Variants in TJP1 observed in about 807,000 individuals in gnomAD.
The protein encoded by TJP1 is tight junction protein ZO-1.
In TJP1, 43 loss-of-function variants were observed where a neutral mutation model predicts 194.2. The ratio of observed to expected loss-of-function variants is 0.22; its 90% CI spans 0.17 to 0.29. The LOEUF is 0.29. TJP1 is among the 10% of genes least tolerant of loss of function. The pLI, the probability that TJP1 is intolerant of heterozygous loss-of-function variation, is 1.00. For missense variants in TJP1, 1,971 were observed against 2,185.7 expected (o/e 0.90, Z 1.96); for synonymous variants, 801 against 779.0 (o/e 1.03, Z -0.47).
At chr15:29,850,736 C>T (rs1438524505) in intron 2 of TJP1, among the ~76,000 whole-genome samples, 1 of 152,028 alleles carries the variant, frequency 6.6e-6, no homozygotes, top group African/African-American at 2.4e-5. Flanking sequence ...AATCCCAGCA[C>T]TTTGGGAGGC....
chr15:29,700,469 G>A lies in TJP1; in HGVS notation c.*1126C>T, dbSNP rs978944379. The A allele has an allele frequency of 1.0e-5, 4 of 398,742 alleles. No individual in the cohort carries two copies. Among genetic ancestry groups the A allele is most frequent in the Admixed American group, 8.8e-5 (2 of 22,702 alleles). 24.7% of individuals were successfully genotyped at this position (398,742 alleles called of 1,614,324 possible). A position where few individuals can be genotyped will look rare whatever the true frequency, so the allele number is the denominator to read the frequency against. On this transcript the variant is annotated 3_prime_UTR_variant, in exon 28 of 28. Coordinates refer to ENST00000614355, the MANE Select transcript of TJP1 (RefSeq NM_001330239.4). Reference sequence around the variant, plus strand: ...CCTTTTTCTTAAAAAAAATGACCTTGCATGTGTCATAGAAACGCTGCTTTA... The same window carrying A: ...CCTTTTTCTTAAAAAAAATGACCTTACATGTGTCATAGAAACGCTGCTTTA...
chr15:29,856,064 C>T (rs1009120401), intron 2 of TJP1, among the ~76,000 whole-genome samples: 1 of 152,198 alleles, frequency 6.6e-6, no homozygotes, highest in African/African-American at 2.4e-5. Context: ...AACAGCACAA[C>T]TGTGCTTCAG....
intron 2 of TJP1, among the ~76,000 whole-genome samples, chr15:29,903,594 G>C (rs569142940): frequency 6.6e-6 from 1 of 151,956 alleles, no homozygotes; most frequent in African/African-American, 2.4e-5. Context: ...ACAGGCACCC[G>C]CCACCACGCC....
chr15:29,909,392 T>C (rs536582194), intron 2 of TJP1, among the ~76,000 whole-genome samples: 1 of 149,694 alleles, frequency 6.7e-6, no homozygotes, highest in East Asian at 2.0e-4. Context: ...ATTTTTAAAC[T>C]TCCAGCTATT....
chr15:29,737,188 G>C (rs924855728), intron 11 of TJP1, 76 bp downstream of exon 11: 7 of 1,532,120 alleles, frequency 4.6e-6, no homozygotes. Context: ...AATTACAATA[G>C]TAAGCTTGTT....
chr15:29,933,753 T>C lies in TJP1; in HGVS notation c.306+22479A>G, dbSNP rs573644235. On this transcript the variant is annotated intron_variant, in intron 2 of 28. Coordinates refer to the TJP1 transcript ENST00000356107. ...CGAGAAGCCCAGTATACTGAAAGAC[T>C]AAAGATGCTGGGAAGAGAGAAGTAA... 3.3e-5 allele frequency among the ~76,000 whole-genome samples: 5 copies of C among 152,198 alleles called. No individual in the cohort carries two copies. The East Asian group carries it at 7.7e-4, about 24-fold the overall frequency.
intron 2 of TJP1, among the ~76,000 whole-genome samples, chr15:29,944,205 G>A (rs1418519562): frequency 6.6e-6 from 1 of 151,670 alleles, no homozygotes; most frequent in African/African-American, 2.4e-5. Flanking sequence ...CCACTCTCCT[G>A]CCTCTGCCTC....
intron 2 of TJP1, among the ~76,000 whole-genome samples, chr15:29,911,812 G>C (rs867025): frequency 0.21 from 31,858 of 152,142 alleles, 3,623 homozygotes; most frequent in African/African-American, 0.3. Context: ...TTTTTGTTAA[G>C]CATGCATTCC....
chr15:29,712,430 G>C (rs1176440376), intron 23 of TJP1, among the ~76,000 whole-genome samples: 1 of 152,112 alleles, frequency 6.6e-6, no homozygotes. Flanking sequence ...GGCAAAGCAA[G>C]CGCAATAGAA....
At chr15:29,909,265 G>A (rs2152220222) in intron 2 of TJP1, among the ~76,000 whole-genome samples, 1 of 151,104 alleles carries the variant, frequency 6.6e-6, no homozygotes, top group Admixed American at 6.6e-5. Flanking sequence ...TTGAACCCAG[G>A]AGGCAGAGGT....
At chr15:29,951,225 T>C (rs1444398373) in intron 2 of TJP1, among the ~76,000 whole-genome samples, 4 of 151,950 alleles carry the variant, frequency 2.6e-5, no homozygotes, top group African/African-American at 7.3e-5. Flanking sequence ...TGGAGTGCAA[T>C]GGCATGATTT....
chr15:29,816,227 C>T lies in TJP1; in HGVS notation c.27+5775G>A, dbSNP rs575805137. The stretch of plus-strand genomic sequence containing the variant: ...ATTTTTAGTAGAGACGGGGTTTCGG[C>T]CGTGTTGGTTGTGCTGGTCTTGAAG... On this transcript the variant is annotated intron_variant, in intron 1 of 27. Coordinates refer to ENST00000614355, the MANE Select transcript of TJP1 (RefSeq NM_001330239.4). Among the ~76,000 whole-genome samples, 9 of 152,082 alleles carry T rather than the reference C, an allele frequency of 5.9e-5. No individual in the cohort carries two copies. In the South Asian group the frequency reaches 1.9e-3, roughly 32 times the overall value.
At chr15:29,743,799 T>G (rs2044584597) in intron 8 of TJP1, among the ~76,000 whole-genome samples, 1 of 152,082 alleles carries the variant, frequency 6.6e-6, no homozygotes, top group African/African-American at 2.4e-5. Flanking sequence ...ACAAAGAAGC[T>G]TTTCAGCAAA....
chr15:29,947,162 C>T (rs1023569566), intron 2 of TJP1, among the ~76,000 whole-genome samples: 3 of 152,164 alleles, frequency 2.0e-5, no homozygotes, highest in Non-Finnish European at 4.4e-5. Flanking sequence ...TTCATGAACA[C>T]ACCTGAAATT....
At chr15:29,733,353 G>A (rs778054293) in intron 12 of TJP1, 40 bp from the exon 13 acceptor site, 14 of 1,363,382 alleles carry the variant, frequency 1.0e-5, no homozygotes, top group Non-Finnish European at 1.3e-5. Flanking sequence ...AATATTTAGT[G>A]GGATAACAAT....
chr15:29,905,443 A>G (rs1287965894), intron 2 of TJP1, among the ~76,000 whole-genome samples: 1 of 152,232 alleles, frequency 6.6e-6, no homozygotes, highest in Non-Finnish European at 1.5e-5. Flanking sequence ...TGATGGGAAG[A>G]TAGTTTGGCA....
intron 8 of TJP1, among the ~76,000 whole-genome samples, chr15:29,755,671 A>G (rs1289686889): frequency 6.6e-6 from 1 of 152,212 alleles, no homozygotes; most frequent in African/African-American, 2.4e-5. Flanking sequence ...CATTTTCGTA[A>G]AATGGATTTG....
At chr15:29,805,127 T>C (rs536988186) in intron 1 of TJP1, among the ~76,000 whole-genome samples, 5 of 152,368 alleles carry the variant, frequency 3.3e-5, no homozygotes, top group South Asian at 2.1e-4. Flanking sequence ...TTCTGAGTTC[T>C]GCGCACATTT....
intron 24 of TJP1, among the ~76,000 whole-genome samples, chr15:29,709,493 A>G (rs11073205): frequency 0.81 from 123,314 of 152,150 alleles, 50,267 homozygotes; most frequent in East Asian, 0.88. Flanking sequence ...ACTGCCAGCC[A>G]CAGTGTAACA....
Sources: gnomAD v4.1 joint callset for allele counts (sites outside exome capture counted in the v4.1 genomes callset) on GRCh38, gnomAD v4.1.1 for gene constraint, MANE v1.5 for transcripts, NCBI Gene and HGNC (gene_info 2026-07-23, HGNC 2026-07-21) for gene names.